LRMDA: variants seen among roughly 807,000 people sequenced by gnomAD.
The protein encoded by LRMDA is leucine-rich melanocyte differentiation-associated protein.
Under a neutral mutation model 29.8 loss-of-function variants are expected in LRMDA, and 18 were observed. That is an observed-to-expected ratio of 0.60 (90% CI 0.42 to 0.90). LRMDA has a LOEUF of 0.90. Ranked by LOEUF, LRMDA falls within the 40% of genes least tolerant of loss-of-function variation. The pLI is 0.00. For missense variants in LRMDA, 273 were observed against 273.9 expected (o/e 1.00, Z 0.02); for synonymous variants, 125 against 109.4 (o/e 1.14, Z -0.89).
intron 6 of LRMDA, among the ~76,000 whole-genome samples, chr10:76,511,096 A>G (rs548204499): frequency 2.0e-5 from 3 of 152,356 alleles, no homozygotes; most frequent in Admixed American, 6.5e-5. Flanking sequence ...GGTGGGATCA[A>G]TATCCCCCAT....
intron 6 of LRMDA, among the ~76,000 whole-genome samples, chr10:76,333,104 G>C (rs1201538521): frequency 6.6e-6 from 1 of 152,116 alleles, no homozygotes; most frequent in Non-Finnish European, 1.5e-5. Flanking sequence ...AGCAAAAGAA[G>C]GGCATTCCAG....
chr10:75,565,071 C>T (rs189214923), intron 2 of LRMDA, among the ~76,000 whole-genome samples: 16 of 152,218 alleles, frequency 1.1e-4, no homozygotes, highest in Admixed American at 2.0e-4. Flanking sequence ...TTGACTGATC[C>T]AAGGAATGGA....
intron 2 of LRMDA, among the ~76,000 whole-genome samples, chr10:75,851,396 T>C (rs1844730641): frequency 6.6e-6 from 1 of 152,210 alleles, no homozygotes; most frequent in Non-Finnish European, 1.5e-5. Flanking sequence ...TCCTGGCTTC[T>C]CTCTTTTTCT....
intron 2 of LRMDA, among the ~76,000 whole-genome samples, chr10:75,972,438 T>G (rs929633582): frequency 2.0e-5 from 3 of 152,190 alleles, no homozygotes; most frequent in African/African-American, 7.2e-5. Context: ...AAATTTGGGT[T>G]ATTTTCCCCT....
intron 6 of LRMDA, 82 bp downstream of exon 6, chr10:76,324,567 C>G: frequency 8.2e-7 from 1 of 1,219,226 alleles, no homozygotes; most frequent in South Asian, 1.2e-5. Flanking sequence ...ATTACTGCTG[C>G]CTCGGCACTT....
At chr10:75,462,999 TG>T (rs58478233) in intron 2 of LRMDA, among the ~76,000 whole-genome samples, 31 of 152,316 alleles carry the variant, frequency 2.0e-4, no homozygotes, top group African/African-American at 7.2e-4. Flanking sequence ...ACTGAGCTCC[TG>T]GTGGGTTTAG....
rs145985405 is a variant in LRMDA, at chr10:75,907,087, G to A, written c.132-128921G>A. Among the ~76,000 whole-genome samples the A allele has an allele frequency of 3.3e-3, 497 of 152,304 alleles. 3 individuals carry two copies. The highest frequency in any genetic ancestry group is 0.011 in the African/African-American group (476 of 41,556). On this transcript the variant is annotated intron_variant, in intron 2 of 6. Coordinates refer to ENST00000611255, the MANE Select transcript of LRMDA (RefSeq NM_001305581.2). ...GTAGGAGTTTCTAATGTATACGAAA[G>A]GGAAAATTATTGTTGTGAAAAGAGT...
chr10:75,534,077 A>T (rs966930914), intron 2 of LRMDA, among the ~76,000 whole-genome samples: 4 of 152,208 alleles, frequency 2.6e-5, no homozygotes, highest in Non-Finnish European at 4.4e-5. Context: ...CATTCCTGGC[A>T]TCAACAGGCT....
At chr10:75,530,609 C>G (rs536002013) in intron 2 of LRMDA, among the ~76,000 whole-genome samples, 20 of 152,142 alleles carry the variant, frequency 1.3e-4, no homozygotes, top group Non-Finnish European at 2.6e-4. Context: ...CTTTAGAATC[C>G]TTCCTCATAA....
chr10:76,144,740 G>A (rs1388743763), intron 5 of LRMDA, among the ~76,000 whole-genome samples: 5 of 152,138 alleles, frequency 3.3e-5, no homozygotes, highest in African/African-American at 9.7e-5. Flanking sequence ...TTGAATAGGA[G>A]TGGTGAGAGA....
chr10:76,074,472 C>CA (rs962267498), intron 5 of LRMDA, among the ~76,000 whole-genome samples: 21 of 151,816 alleles, frequency 1.4e-4, no homozygotes, highest in African/African-American at 4.1e-4. Context: ...TTTGAGCTGA[C>CA]AAAAAAATGC....
intron 6 of LRMDA, among the ~76,000 whole-genome samples, chr10:76,332,127 T>C (rs1272514592): frequency 3.9e-5 from 6 of 152,124 alleles, no homozygotes; most frequent in Admixed American, 3.9e-4. Flanking sequence ...GCTGGGTGGA[T>C]TGGAATGGAG....
intron 5 of LRMDA, among the ~76,000 whole-genome samples, chr10:76,172,267 A>G (rs954099329): frequency 6.6e-6 from 1 of 152,184 alleles, no homozygotes; most frequent in Non-Finnish European, 1.5e-5. Flanking sequence ...TCAGGGACAC[A>G]CCCCATCCAA....
chr10:76,465,706 C>T (rs1842557951), intron 6 of LRMDA, among the ~76,000 whole-genome samples: 1 of 152,150 alleles, frequency 6.6e-6, no homozygotes, highest in Non-Finnish European at 1.5e-5. Context: ...CGCTGGGTGA[C>T]TTAAACAACA....
At chr10:76,282,393 T>C (rs775969350) in intron 5 of LRMDA, among the ~76,000 whole-genome samples, 22 of 152,194 alleles carry the variant, frequency 1.4e-4, no homozygotes, top group Non-Finnish European at 3.1e-4. Flanking sequence ...TTCCACCAGC[T>C]GCACAGTGGC....
Position 76,246,163 on chromosome 10 carries a change from C to T in LRMDA, c.517-78238C>T, listed in dbSNP as rs114928380. 8.8e-4 allele frequency among the ~76,000 whole-genome samples: 134 copies of T among 152,272 alleles called. 1 individual carries two copies. The highest frequency in any genetic ancestry group is 3.1e-3 in the African/African-American group (127 of 41,562). On this transcript the variant is annotated intron_variant, in intron 5 of 6. Transcript: ENST00000611255. The stretch of plus-strand genomic sequence containing the variant: ...TTCCAATCCAGCCCAACTGGTTCCA[C>T]GCGGTACTACTGCTGGTGTTATTTG...
intron 2 of LRMDA, among the ~76,000 whole-genome samples, chr10:75,701,428 T>A (rs1842306850): frequency 6.6e-6 from 1 of 152,206 alleles, no homozygotes; most frequent in African/African-American, 2.4e-5. Context: ...AGCCAATAGC[T>A]TCAGTCTCCT....
intron 2 of LRMDA, among the ~76,000 whole-genome samples, chr10:75,460,765 G>T (rs1425482249): frequency 1.3e-5 from 2 of 151,656 alleles, no homozygotes; most frequent in Non-Finnish European, 2.9e-5. Context: ...GGTTAATTTG[G>T]TTTTTTAGTG....
intron 6 of LRMDA, among the ~76,000 whole-genome samples, chr10:76,523,763 G>A (rs1320349483): frequency 6.6e-6 from 1 of 152,198 alleles, no homozygotes; most frequent in Non-Finnish European, 1.5e-5. Flanking sequence ...AGCACCCTGA[G>A]GATGTGTGTT....
Sources: gnomAD v4.1 joint callset for allele counts (sites outside exome capture counted in the v4.1 genomes callset) on GRCh38, gnomAD v4.1.1 for gene constraint, MANE v1.5 for transcripts, NCBI Gene and HGNC (gene_info 2026-07-23, HGNC 2026-07-21) for gene names.